PIBF1: variants seen among roughly 807,000 people sequenced by gnomAD.
PIBF1 encodes progesterone-induced-blocking factor 1.
PIBF1 carries 90 observed loss-of-function variants against 112.5 expected under a neutral mutation model. That is an observed-to-expected ratio of 0.80 (90% confidence interval 0.67 to 0.95). The LOEUF is 0.95. PIBF1 is among the 40% of genes least tolerant of loss of function. PIBF1 has a pLI of 0.00. For synonymous variants in PIBF1, 301 were observed against 288.6 expected (o/e 1.04, Z -0.44); for missense variants, 915 against 852.3 (o/e 1.07, Z -0.92).
chr13:72,825,551 G>A (rs926765831), intron 6 of PIBF1, among the ~76,000 whole-genome samples: 2 of 152,130 alleles, frequency 1.3e-5, no homozygotes, highest in Non-Finnish European at 2.9e-5. Flanking sequence ...CTGACTGTTT[G>A]GTGGGATCTG....
intron 16 of PIBF1, among the ~76,000 whole-genome samples, chr13:72,977,439 C>T (rs2043051953): frequency 6.6e-6 from 1 of 152,042 alleles, no homozygotes; most frequent in African/African-American, 2.4e-5. Context: ...AACTCCTGAC[C>T]TCAGGCAATC....
At chr13:72,989,584 T>TG (rs2043405969) in intron 16 of PIBF1, among the ~76,000 whole-genome samples, 1 of 152,166 alleles carries the variant, frequency 6.6e-6, no homozygotes, top group South Asian at 2.1e-4. Flanking sequence ...ATTAGAGTGA[T>TG]GGGGGCATGG....
At chr13:72,871,286 T>C (rs903289928) in intron 10 of PIBF1, among the ~76,000 whole-genome samples, 1 of 152,130 alleles carries the variant, frequency 6.6e-6, no homozygotes, top group Non-Finnish European at 1.5e-5. Flanking sequence ...GTGGTGTCTG[T>C]CTGTCTGTCT....
At chr13:72,964,816 A>G (rs1162051616) in intron 14 of PIBF1, among the ~76,000 whole-genome samples, 1 of 152,148 alleles carries the variant, frequency 6.6e-6, no homozygotes, top group African/African-American at 2.4e-5. Flanking sequence ...TAGTCCCCGC[A>G]CTTTGGGAGG....
intron 12 of PIBF1, among the ~76,000 whole-genome samples, chr13:72,913,032 GA>G (rs923497103): frequency 2.0e-5 from 3 of 150,882 alleles, no homozygotes; most frequent in Admixed American, 6.6e-5. Context: ...AATCTATGAT[GA>G]AAAAAATCAA....
chr13:72,875,492 A>C (rs1015126213), intron 10 of PIBF1, among the ~76,000 whole-genome samples: 2 of 110,090 alleles, frequency 1.8e-5, no homozygotes, highest in East Asian at 4.5e-4. Context: ...GTGTGGGGGA[A>C]AAAAAAAAGA....
At chr13:72,822,957 T>C (rs916098863) in intron 6 of PIBF1, among the ~76,000 whole-genome samples, 1 of 152,178 alleles carries the variant, frequency 6.6e-6, no homozygotes, top group Non-Finnish European at 1.5e-5. Context: ...GTAGAGGGCA[T>C]AGTGGCACAT....
At chr13:73,000,972 A>G (rs1393515665) in intron 17 of PIBF1, among the ~76,000 whole-genome samples, 2 of 152,146 alleles carry the variant, frequency 1.3e-5, no homozygotes, top group Non-Finnish European at 2.9e-5. Flanking sequence ...TTAAATAATA[A>G]TAAGGGAAAT....
rs1402642135 is a variant in PIBF1 at position 72,967,809 on chromosome 13, A to G, written c.1964+2405A>G. On this transcript the variant is annotated intron_variant, in intron 15 of 17. Coordinates refer to ENST00000326291, the MANE Select transcript of PIBF1 (RefSeq NM_006346.4). ...AAAAGGAAGTTTTCAAATTCAACTC[A>G]GTACTTAGTTTTGAGTTAGGGCAAG... Among the ~76,000 whole-genome samples the G allele has an allele frequency of 1.3e-5, 2 of 152,192 alleles. 1 individual carries two copies. The highest frequency in any genetic ancestry group is 4.8e-5 in the African/African-American group (2 of 41,440).
At chr13:73,009,148 G>A (rs1010896653) in intron 17 of PIBF1, among the ~76,000 whole-genome samples, 3 of 152,098 alleles carry the variant, frequency 2.0e-5, no homozygotes, top group African/African-American at 4.8e-5. Flanking sequence ...AGCGGGAAGC[G>A]AGAAAAAGGG....
intron 17 of PIBF1, among the ~76,000 whole-genome samples, chr13:73,007,253 A>G (rs1306152303): frequency 1.3e-5 from 2 of 151,626 alleles, no homozygotes; most frequent in East Asian, 3.9e-4. Flanking sequence ...TCAAAGAGCT[A>G]AAAGAATGGA....
intron 16 of PIBF1, among the ~76,000 whole-genome samples, chr13:72,983,931 ACATTTCT>A (rs1164133874): frequency 6.6e-6 from 1 of 152,206 alleles, no homozygotes; most frequent in Non-Finnish European, 1.5e-5. Flanking sequence ...ATTCACACAT[ACATTTCT>A]CATCATAGTG....
chr13:72,821,563 A>G (rs1231595605), intron 5 of PIBF1, among the ~76,000 whole-genome samples: 1 of 152,156 alleles, frequency 6.6e-6, no homozygotes, highest in Non-Finnish European at 1.5e-5. Context: ...GTCATTTAAC[A>G]TTTGTAGTCA....
At chr13:72,885,958 A>C (rs1194443498) in intron 10 of PIBF1, among the ~76,000 whole-genome samples, 1 of 152,166 alleles carries the variant, frequency 6.6e-6, no homozygotes, top group Non-Finnish European at 1.5e-5. Context: ...CCATTTCAGA[A>C]CACTAATTTG....
intron 17 of PIBF1, among the ~76,000 whole-genome samples, chr13:73,014,027 A>ATCCCTTCCCT (rs1289444865): frequency 6.6e-6 from 1 of 151,374 alleles, no homozygotes; most frequent in African/African-American, 2.4e-5. Flanking sequence ...TCACTGTTGA[A>ATCCCTTCCCT]TCCCTTCCCT....
intron 10 of PIBF1, among the ~76,000 whole-genome samples, chr13:72,858,023 T>TTGCTTTTTTTG (rs71099760): frequency 5.7e-5 from 8 of 141,224 alleles, no homozygotes; most frequent in South Asian, 2.5e-4. Context: ...CAAATGTACA[T>TTGCTTTTTTTG]TGTGTGTGTG....
At chr13:72,910,661 G>A (rs1324420349) in intron 12 of PIBF1, among the ~76,000 whole-genome samples, 1 of 152,106 alleles carries the variant, frequency 6.6e-6, no homozygotes, top group East Asian at 1.9e-4. Flanking sequence ...ATAAGGATAA[G>A]AGAAGATATA....
At chr13:72,869,910 A>G (rs2039091837) in intron 10 of PIBF1, among the ~76,000 whole-genome samples, 1 of 152,134 alleles carries the variant, frequency 6.6e-6, no homozygotes, top group Non-Finnish European at 1.5e-5. Flanking sequence ...AAAAAAGACT[A>G]GCAATAGTAA....
intron 10 of PIBF1, among the ~76,000 whole-genome samples, chr13:72,882,705 C>A (rs1049198294): frequency 6.6e-6 from 1 of 152,164 alleles, no homozygotes; most frequent in African/African-American, 2.4e-5. Flanking sequence ...TATCACTGAT[C>A]ATCAGAGAAA....
Sources: allele counts gnomAD v4.1 joint callset (sites outside exome capture counted in the v4.1 genomes callset), GRCh38; gene constraint gnomAD v4.1.1; transcripts MANE v1.5; gene names NCBI Gene and HGNC (gene_info 2026-07-23, HGNC 2026-07-21).